The following SIAE variants were observed in gnomAD, a reference collection of about 807,000 sequenced individuals.
The protein encoded by SIAE is sialate O-acetylesterase.
In SIAE, 39 loss-of-function variants were observed where a neutral mutation model predicts 52.6. The observed-to-expected ratio is 0.74, with a 90% CI of 0.57 to 0.97. The LOEUF (loss-of-function observed/expected upper bound fraction) is 0.97. Among genes scored for constraint, SIAE ranks in the 50% least tolerant of loss-of-function variants. The pLI, the probability that SIAE is intolerant of heterozygous loss-of-function variation, is 0.00. For synonymous variants in SIAE, 233 were observed against 241.4 expected (o/e 0.97, Z 0.32); for missense variants, 592 against 662.1 (o/e 0.89, Z 1.16).
At chr11:124,665,542 G>A (rs962275035) in intron 2 of SIAE, among the ~76,000 whole-genome samples, 1 of 152,228 alleles carries the variant, frequency 6.6e-6, no homozygotes, top group Non-Finnish European at 1.5e-5. Context: ...GAGACCCTCA[G>A]TAGAGAATCC....
intron 3 of SIAE, 50 bp downstream of exon 3, chr11:124,660,578 C>G: frequency 6.2e-7 from 1 of 1,601,060 alleles, no homozygotes; most frequent in Non-Finnish European, 8.6e-7. Flanking sequence ...TCCTTCTTTT[C>G]CTTCTTCATC....
intron 2 of SIAE, among the ~76,000 whole-genome samples, chr11:124,664,379 G>A (rs1408037949): frequency 6.6e-6 from 1 of 151,924 alleles, no homozygotes; most frequent in African/African-American, 2.4e-5. Context: ...CTACAGGTGC[G>A]CACCACCACG....
chr11:124,642,900 C>T (rs1311341432), intron 7 of SIAE, among the ~76,000 whole-genome samples: 1 of 152,120 alleles, frequency 6.6e-6, no homozygotes, highest in Non-Finnish European at 1.5e-5. Flanking sequence ...AAGAAGTAAG[C>T]TGCCATGAGT....
At chr11:124,641,725 G>A (rs889890055) in intron 7 of SIAE, among the ~76,000 whole-genome samples, 3 of 152,116 alleles carry the variant, frequency 2.0e-5, no homozygotes, top group South Asian at 2.1e-4. Flanking sequence ...TTGGGAGGCC[G>A]AGGTGGGTGG....
chr11:124,658,997 CA>C, intron 3 of SIAE: 1 of 152,188 alleles, frequency 6.6e-6, no homozygotes, highest in Middle Eastern at 3.4e-3. Flanking sequence ...ATGATTTAAA[CA>C]AAAATAAAAA....
rs146355686 is a variant in SIAE, at chr11:124,669,281, C to T, written c.229+79G>A. ...AGGGACGGATGGATAATGTGAGCTA[C>T]AGCATTAGCATTCATTTTCAGATAA... is the stretch of plus-strand genomic sequence containing the variant. On this transcript the variant is annotated intron_variant, in intron 2 of 9. Coordinates refer to ENST00000263593, the MANE Select transcript of SIAE (RefSeq NM_170601.5). 3.3e-6 allele frequency: 5 copies of T among 1,531,990 alleles called. No individual in the cohort carries two copies. In the African/African-American group the frequency reaches 5.5e-5, roughly 17 times the overall value. 94.9% of individuals were successfully genotyped at this position (1,531,990 alleles called of 1,614,324 possible).
intron 9 of SIAE, 58 bp downstream of exon 9, chr11:124,638,484 G>A: frequency 2.5e-6 from 4 of 1,576,650 alleles, no homozygotes. Flanking sequence ...CTCAAGTGCG[G>A]AGGAAATCTT....
At position 124,647,423 on chromosome 11, in the gene SIAE, G is replaced by A; in HGVS notation, c.908C>T (p.Thr303Ile). The change falls in exon 7 of 10, where the codon ACC (threonine) becomes ATC (isoleucine). Residue 303 changes from threonine (T) to isoleucine (I), a missense_variant. Coordinates refer to ENST00000263593, the MANE Select transcript of SIAE (RefSeq NM_170601.5). ...CTGCCCCTGGGAACCACGGTGGAAG[G>A]TTTCACGCCAGTCTTCGATGAGTGC... ...FPALIEDWRE[T>I]FHRGSQGQTE... The A allele has an allele frequency of 1.9e-6, 3 of 1,614,178 alleles. No individual in the cohort carries two copies. Among genetic ancestry groups the A allele is most frequent in the East Asian group, 4.5e-5 (2 of 44,880 alleles).
intron 8 of SIAE, 125 bp from the exon 9 acceptor site, chr11:124,638,862 A>G: frequency 1.3e-6 from 1 of 752,994 alleles, no homozygotes; most frequent in Non-Finnish European, 2.2e-6. Flanking sequence ...GAACTCTGTG[A>G]TCAGTGGCTA....
chr11:124,636,906 T>C lies in SIAE; in HGVS notation c.*45A>G, dbSNP rs201912848. 6.4e-5 allele frequency: 104 copies of C among 1,613,470 alleles called. No individual in the cohort carries two copies. The African/African-American group carries it at 1.1e-3, about 18-fold the overall frequency. On this transcript the variant is annotated 3_prime_UTR_variant, in exon 10 of 10. Transcript: ENST00000263593. ...ATTGAAACTCCTAAATGCTAAAATCTGAAGGACCCATCCTTATATCTAAGT... is the reference window on the plus strand; with the variant it reads ...ATTGAAACTCCTAAATGCTAAAATCCGAAGGACCCATCCTTATATCTAAGT...
At position 124,633,495 on chromosome 11, in the gene SIAE, C is replaced by T. The variant is rs954221587; in HGVS notation, c.*3456G>A. On this transcript the variant is annotated 3_prime_UTR_variant, in exon 10 of 10. Transcript: ENST00000263593. ...ATTGAATGGTTAATGCACTGCCATT[C>T]ATAATTGCCAATTGAGGACAACACA... The T allele has an allele frequency of 6.6e-6, 1 of 152,202 alleles. No individual in the cohort carries two copies. Among genetic ancestry groups the T allele is most frequent in the African/African-American group, 2.4e-5 (1 of 41,436 alleles). The allele number at this position is 152,202 out of a possible 1,614,324, so 9.4% of individuals were successfully genotyped here. A position where few individuals can be genotyped will look rare whatever the true frequency, so the allele number is the denominator to read the frequency against.
At chr11:124,671,739 A>G (rs1393313615) in intron 1 of SIAE, among the ~76,000 whole-genome samples, 1 of 152,010 alleles carries the variant, frequency 6.6e-6, no homozygotes, top group Non-Finnish European at 1.5e-5. Flanking sequence ...AACACAAGAC[A>G]CATACATTTA....
chr11:124,665,858 G>A (rs1480706435), intron 2 of SIAE, among the ~76,000 whole-genome samples: 2 of 152,092 alleles, frequency 1.3e-5, no homozygotes, highest in African/African-American at 4.8e-5. Flanking sequence ...AAATTGGTAT[G>A]CATGCCAACC....
At position 124,635,596 on chromosome 11, in the gene SIAE, A is replaced by C. The variant is rs1238354666; in HGVS notation, c.*1355T>G. 6.6e-6 allele frequency: 1 copy of C among 152,194 alleles called. No individual in the cohort carries two copies. Among genetic ancestry groups the C allele is most frequent in the African/African-American group, 2.4e-5 (1 of 41,440 alleles). The allele number at this position is 152,194 out of a possible 1,614,324, so 9.4% of individuals were successfully genotyped here. A position where few individuals can be genotyped will look rare whatever the true frequency, so the allele number is the denominator to read the frequency against. On this transcript the variant is annotated 3_prime_UTR_variant, in exon 10 of 10. Transcript: ENST00000263593. ...GCCACTAAAAATAAATTTACATATGATTTCATTAATATATTCACTATCTAA... is the reference window on the plus strand; with the variant it reads ...GCCACTAAAAATAAATTTACATATGCTTTCATTAATATATTCACTATCTAA...
chr11:124,648,310 A>C (rs1362837894), intron 5 of SIAE, 135 bp from the exon 6 acceptor site: 3 of 700,008 alleles, frequency 4.3e-6, no homozygotes, highest in East Asian at 5.5e-5. Flanking sequence ...ATTGAATCGA[A>C]ACTCTTTTTC....
At chr11:124,647,645 C>G in intron 6 of SIAE, 147 bp from the exon 7 acceptor site, 1 of 974,756 alleles carries the variant, frequency 1.0e-6, no homozygotes, top group East Asian at 2.6e-5. Context: ...GGGGCATCAG[C>G]AAATGTGGTA....
At chr11:124,669,330 A>T (rs758390337) in intron 2 of SIAE, 30 bp downstream of exon 2, 1 of 1,613,898 alleles carries the variant, frequency 6.2e-7, no homozygotes, top group Non-Finnish European at 8.5e-7. Context: ...AGAAGAGGGC[A>T]ATAGCTGAAC....
At chr11:124,650,904 T>G (rs561087857) in intron 4 of SIAE, among the ~76,000 whole-genome samples, 7 of 152,334 alleles carry the variant, frequency 4.6e-5, no homozygotes, top group African/African-American at 1.7e-4. Context: ...AACTAGTGTT[T>G]AAATTCTCAG....
intron 7 of SIAE, among the ~76,000 whole-genome samples, chr11:124,641,542 C>T (rs1175433979): frequency 6.6e-6 from 1 of 152,194 alleles, no homozygotes; most frequent in Non-Finnish European, 1.5e-5. Context: ...TGCTACTGAA[C>T]TCAATTGCAT....
Sources: allele counts gnomAD v4.1 joint callset (sites outside exome capture counted in the v4.1 genomes callset), GRCh38; gene constraint gnomAD v4.1.1; transcripts MANE v1.5; gene names NCBI Gene and HGNC (gene_info 2026-07-23, HGNC 2026-07-21).